The following SMYD1 variants were observed in gnomAD, a reference collection of about 807,000 sequenced individuals.
SMYD1 encodes the protein SET and MYND domain containing 1, also known as histone-lysine N-methyltransferase SMYD1.
Under a neutral mutation model 54.0 loss-of-function variants are expected in SMYD1, and 49 were observed. That is an observed-to-expected ratio of 0.91 (90% CI 0.72 to 1.15). The LOEUF (loss-of-function observed/expected upper bound fraction) is 1.15. Among genes scored for constraint, SMYD1 ranks in the 50% most tolerant of loss-of-function variants. The probability of loss-of-function intolerance (pLI) is 0.00; values close to 1 mark genes in which losing one functional copy is unlikely to be tolerated. For missense variants in SMYD1, 653 were observed against 639.6 expected (o/e 1.02, Z -0.23); for synonymous variants, 269 against 234.2 (o/e 1.15, Z -1.36).
chr2:88,096,623 T>G lies in SMYD1; in HGVS notation c.727T>G (p.Ser243Ala). 1 of 1,613,512 alleles carries G rather than the reference T, an allele frequency of 6.2e-7. No homozygotes were observed. Among genetic ancestry groups the G allele is most frequent in the South Asian group, 1.1e-5 (1 of 90,934 alleles). The change falls in exon 6 of 10, where the codon TCA (serine) becomes GCA (alanine). Residue 243 changes from serine to alanine, a missense_variant. Physicochemically the swap from Ser to Ala is moderately conservative, Grantham distance 99. Coordinates refer to ENST00000419482, the MANE Select transcript of SMYD1 (RefSeq NM_198274.4). ...TGAGCTCCGGGCCCTAGGCAAGATC[T>G]CAGAAGGAGAGGAGCTGACTGTGTC... ...RIELRALGKI[S>A]EGEELTVSYI...
At chr2:88,073,349 T>C (rs1673990354) in intron 1 of SMYD1, among the ~76,000 whole-genome samples, 1 of 152,340 alleles carries the variant, frequency 6.6e-6, no homozygotes, top group East Asian at 1.9e-4. Flanking sequence ...CTTGCTACTG[T>C]GGATAGTGCT....
In SMYD1 at chr2:88,084,250, C is replaced by T. The variant is rs557640987; in HGVS notation, c.138-66C>T. On this transcript the variant is annotated intron_variant, in intron 1 of 9. Coordinates refer to ENST00000419482, the MANE Select transcript of SMYD1 (RefSeq NM_198274.4). ...TGAACCAGTACTGGAACACAGGTGT[C>T]CCACTGGCTGCAGGGTGCCCTTTCC... 320 of 1,353,154 alleles carry T rather than the reference C, an allele frequency of 2.4e-4. 1 individual carries two copies. In the African/African-American group the frequency reaches 3.9e-3, roughly 16 times the overall value. The allele number at this position is 1,353,154 out of a possible 1,614,324, so 83.8% of individuals were successfully genotyped here. A position where few individuals can be genotyped will look rare whatever the true frequency, so the allele number is the denominator to read the frequency against.
chr2:88,096,815 T>C, intron 6 of SMYD1, 31 bp downstream of exon 6: 1 of 1,595,330 alleles, frequency 6.3e-7, no homozygotes, highest in Non-Finnish European at 8.5e-7. Flanking sequence ...GAGGTGTTTG[T>C]GTCTGTCTTC....
intron 9 of SMYD1, among the ~76,000 whole-genome samples, chr2:88,108,811 C>G (rs926302204): frequency 6.6e-6 from 1 of 152,194 alleles, no homozygotes; most frequent in Non-Finnish European, 1.5e-5. Flanking sequence ...CTGGCATCTG[C>G]TTCTGGTGAG....
intron 7 of SMYD1, 85 bp downstream of exon 7, chr2:88,103,235 G>A (rs1674767153): frequency 2.8e-6 from 3 of 1,066,552 alleles, no homozygotes; most frequent in African/African-American, 1.6e-5. Flanking sequence ...GCGTGAGAAC[G>A]GGCGGCGGGG....
At chr2:88,072,760 G>C (rs771940840) in intron 1 of SMYD1, among the ~76,000 whole-genome samples, 1 of 152,140 alleles carries the variant, frequency 6.6e-6, no homozygotes, top group Non-Finnish European at 1.5e-5. Flanking sequence ...TCTCAAAAAA[G>C]TTGGATTATT....
At chr2:88,100,942 G>C (rs1187952428) in intron 6 of SMYD1, among the ~76,000 whole-genome samples, 1 of 152,146 alleles carries the variant, frequency 6.6e-6, no homozygotes, top group African/African-American at 2.4e-5. Flanking sequence ...AGATACAGAA[G>C]GATATGGAAA....
In SMYD1 at chr2:88,091,227, A is replaced by G. The variant is rs916339278; in HGVS notation, c.659+85A>G. Reference sequence around the variant, plus strand: ...CTCCACTTGACTTAAGCCAAAGTCAACCTGCTAAACCTGAACTAGCATAAA... The same window carrying G: ...CTCCACTTGACTTAAGCCAAAGTCAGCCTGCTAAACCTGAACTAGCATAAA... On this transcript the variant is annotated intron_variant, in intron 4 of 9. Coordinates refer to ENST00000419482, the MANE Select transcript of SMYD1 (RefSeq NM_198274.4). 44 of 1,400,702 alleles carry G rather than the reference A, an allele frequency of 3.1e-5. No individual in the cohort carries two copies. In the African/African-American group the frequency reaches 5.5e-4, roughly 17 times the overall value. 86.8% of individuals were successfully genotyped at this position (1,400,702 alleles called of 1,614,324 possible). A position where few individuals can be genotyped will look rare whatever the true frequency, so the allele number is the denominator to read the frequency against.
At chr2:88,072,378 C>T (rs553423365) in intron 1 of SMYD1, among the ~76,000 whole-genome samples, 10 of 152,188 alleles carry the variant, frequency 6.6e-5, no homozygotes, top group East Asian at 1.9e-4. Context: ...CTCGAACTCC[C>T]GGCCTCAAGT....
At chr2:88,071,073 G>A (rs1054757689) in intron 1 of SMYD1, among the ~76,000 whole-genome samples, 75 of 149,970 alleles carry the variant, frequency 5.0e-4, no homozygotes, top group African/African-American at 1.7e-3. Flanking sequence ...GTGGTTTTAT[G>A]CCACTTGTTT....
intron 1 of SMYD1, among the ~76,000 whole-genome samples, chr2:88,083,510 C>T (rs1393404824): frequency 6.6e-6 from 1 of 152,178 alleles, no homozygotes; most frequent in African/African-American, 2.4e-5. Context: ...CTTCCACCCT[C>T]GCTCTGAGCT....
chr2:88,077,688 T>C (rs1299741649), intron 1 of SMYD1, among the ~76,000 whole-genome samples: 1 of 151,270 alleles, frequency 6.6e-6, no homozygotes, highest in Admixed American at 6.6e-5. Flanking sequence ...TCTCCTGCAC[T>C]AGGGGCAGTA....
chr2:88,078,634 C>A (rs970273415), intron 1 of SMYD1, among the ~76,000 whole-genome samples: 2 of 152,198 alleles, frequency 1.3e-5, no homozygotes, highest in Non-Finnish European at 2.9e-5. Context: ...CAAAAAAATT[C>A]TTGCTACTCA....
chr2:88,089,939 G>A (rs562961639), intron 3 of SMYD1, among the ~76,000 whole-genome samples: 3 of 152,176 alleles, frequency 2.0e-5, no homozygotes, highest in Non-Finnish European at 4.4e-5. Flanking sequence ...GGGGTGAATT[G>A]GTGTGTTGAG....
chr2:88,075,534 C>CTT (rs35091980), intron 1 of SMYD1, among the ~76,000 whole-genome samples: 72 of 103,512 alleles, frequency 7.0e-4, no homozygotes, highest in South Asian at 1.1e-3. Context: ...CCTTTTAATT[C>CTT]TTTTTTTTTT....
chr2:88,092,418 G>T (rs1194936497), intron 4 of SMYD1, among the ~76,000 whole-genome samples: 2 of 152,148 alleles, frequency 1.3e-5, no homozygotes, highest in Non-Finnish European at 2.9e-5. Flanking sequence ...TTTGCTCTTA[G>T]AGATGAGCTT....
intron 1 of SMYD1, among the ~76,000 whole-genome samples, chr2:88,079,348 G>A (rs1674136298): frequency 6.6e-6 from 1 of 152,142 alleles, no homozygotes; most frequent in Admixed American, 6.5e-5. Flanking sequence ...CTATAATCAG[G>A]CCCTATTAGA....
At chr2:88,095,218 C>G (rs2104000987) in intron 5 of SMYD1, among the ~76,000 whole-genome samples, 1 of 152,290 alleles carries the variant, frequency 6.6e-6, no homozygotes, top group East Asian at 1.9e-4. Context: ...TCCTACTGGC[C>G]ATTCATCACT....
At chr2:88,079,095 C>G (rs966409837) in intron 1 of SMYD1, among the ~76,000 whole-genome samples, 1 of 152,194 alleles carries the variant, frequency 6.6e-6, no homozygotes. Flanking sequence ...AAGTTTATTA[C>G]AGCAAAGAAT....
Sources: gnomAD v4.1 joint callset for allele counts (sites outside exome capture counted in the v4.1 genomes callset) on GRCh38, gnomAD v4.1.1 for gene constraint, MANE v1.5 for transcripts, NCBI Gene and HGNC (gene_info 2026-07-23, HGNC 2026-07-21) for gene names.